Variants in ALK observed in about 807,000 individuals in gnomAD.
ALK encodes ALK receptor tyrosine kinase.
A neutral mutation model predicts 163.1 loss-of-function variants in ALK; 74 were observed. The ratio of observed to expected loss-of-function variants is 0.45; its 90% CI spans 0.38 to 0.55. ALK has a LOEUF of 0.55. Ranked by LOEUF, ALK falls within the 20% of genes least tolerant of loss-of-function variation. The pLI, the probability that ALK is intolerant of heterozygous loss-of-function variation, is 0.00. For synonymous variants in ALK, 960 were observed against 843.2 expected (o/e 1.14, Z -2.40); for missense variants, 2,063 against 2,105.3 (o/e 0.98, Z 0.39).
At chr2:29,898,391 T>C (rs1396884247) in intron 1 of ALK, among the ~76,000 whole-genome samples, 1 of 152,188 alleles carries the variant, frequency 6.6e-6, no homozygotes, top group Non-Finnish European at 1.5e-5. Context: ...TGATTGGTGA[T>C]TAAGAATTAG....
chr2:29,321,011 C>A, intron 6 of ALK, 129 bp from the exon 7 acceptor site: 3 of 1,158,256 alleles, frequency 2.6e-6, no homozygotes, highest in Non-Finnish European at 3.8e-6. Flanking sequence ...AGCCAGAATG[C>A]TGGATGACTA....
intron 3 of ALK, among the ~76,000 whole-genome samples, chr2:29,609,754 C>T (rs918579890): frequency 6.6e-6 from 1 of 152,080 alleles, no homozygotes; most frequent in Non-Finnish European, 1.5e-5. Flanking sequence ...AGCAATTCTC[C>T]CACCTCAGCC....
chr2:29,704,202 C>G (rs1167412357), intron 2 of ALK, among the ~76,000 whole-genome samples: 2 of 152,144 alleles, frequency 1.3e-5, no homozygotes, highest in Non-Finnish European at 2.9e-5. Context: ...TAAATGGAAC[C>G]CCAGAAATTA....
At chr2:29,240,287 C>T (rs1664492313) in intron 12 of ALK, among the ~76,000 whole-genome samples, 1 of 151,982 alleles carries the variant, frequency 6.6e-6, no homozygotes, top group African/African-American at 2.4e-5. Flanking sequence ...CTCATGTGAC[C>T]TTAGACAAGT....
At chr2:29,855,698 G>A (rs1666120955) in intron 1 of ALK, among the ~76,000 whole-genome samples, 1 of 152,188 alleles carries the variant, frequency 6.6e-6, no homozygotes, top group Non-Finnish European at 1.5e-5. Context: ...TTGTGTTAGA[G>A]CCACAAGGTC....
intron 1 of ALK, among the ~76,000 whole-genome samples, chr2:29,829,632 C>A (rs1322293418): frequency 6.6e-6 from 1 of 152,182 alleles, no homozygotes; most frequent in Non-Finnish European, 1.5e-5. Flanking sequence ...GGGTCCACTA[C>A]TAAGAACATT....
At chr2:29,679,397 A>T (rs1677993994) in intron 3 of ALK, among the ~76,000 whole-genome samples, 1 of 149,212 alleles carries the variant, frequency 6.7e-6, no homozygotes, top group Non-Finnish European at 1.5e-5. Flanking sequence ...TACCATTTTA[A>T]TCGTTTATTT....
Position 29,905,018 on chromosome 2 carries a change from T to A in ALK, c.667+14975A>T, listed in dbSNP as rs189080308. ...TGGGAATAAATGATACACATACACA[T>A]GCACATATAAAATACTTTGCATCTG... On this transcript the variant is annotated intron_variant, in intron 1 of 28. Transcript: ENST00000389048. Among the ~76,000 whole-genome samples the A allele has an allele frequency of 1.6e-4, 25 of 152,330 alleles. No individual in the cohort carries two copies. The East Asian group carries it at 1.7e-3, about 11-fold the overall frequency.
chr2:29,518,691 A>G (rs1274245696), intron 4 of ALK, among the ~76,000 whole-genome samples: 1 of 152,214 alleles, frequency 6.6e-6, no homozygotes, highest in African/African-American at 2.4e-5. Flanking sequence ...TGTGGCAACT[A>G]TGCTGTAGAA....
At chr2:29,222,692 A>G (rs1432346107) in intron 20 of ALK, 85 bp from the exon 21 acceptor site, 5 of 1,200,376 alleles carry the variant, frequency 4.2e-6, no homozygotes, top group African/African-American at 3.0e-5. Context: ...TGGGCGTCAC[A>G]TTTAGTGGAC....
intron 4 of ALK, among the ~76,000 whole-genome samples, chr2:29,505,613 C>T (rs138456896): frequency 6.6e-6 from 1 of 152,144 alleles, no homozygotes; most frequent in Admixed American, 6.5e-5. Context: ...TGAAACTGGG[C>T]TCCTGGTTGT....
At chr2:29,257,301 T>C (rs989038338) in intron 11 of ALK, among the ~76,000 whole-genome samples, 1 of 152,210 alleles carries the variant, frequency 6.6e-6, no homozygotes, top group Non-Finnish European at 1.5e-5. Context: ...GAAAACATAG[T>C]TTAATACTCA....
At chr2:29,203,912 C>T (rs1321575536) in intron 26 of ALK, among the ~76,000 whole-genome samples, 2 of 151,898 alleles carry the variant, frequency 1.3e-5, no homozygotes, top group African/African-American at 2.4e-5. Flanking sequence ...TTCCTCTGTT[C>T]CTTCTCTCTG....
chr2:29,304,773 G>A (rs1666459355), intron 8 of ALK, among the ~76,000 whole-genome samples: 1 of 152,174 alleles, frequency 6.6e-6, no homozygotes, highest in African/African-American at 2.4e-5. Flanking sequence ...CCTGTATTTT[G>A]TTATAGACAA....
intron 3 of ALK, among the ~76,000 whole-genome samples, chr2:29,649,922 T>C (rs1676993319): frequency 6.6e-6 from 1 of 152,196 alleles, no homozygotes; most frequent in African/African-American, 2.4e-5. Context: ...CTCATGATTT[T>C]TATCTTTCAC....
intron 1 of ALK, among the ~76,000 whole-genome samples, chr2:29,839,603 T>C (rs576499202): frequency 6.6e-6 from 1 of 152,322 alleles, no homozygotes; most frequent in Admixed American, 6.5e-5. Context: ...AATGGTTGTC[T>C]CGCCATTCCC....
chr2:29,401,954 G>C (rs928207195), intron 4 of ALK, among the ~76,000 whole-genome samples: 39 of 152,338 alleles, frequency 2.6e-4, no homozygotes, highest in African/African-American at 8.9e-4. Flanking sequence ...CTAAGAAGTA[G>C]AAATAATGAA....
chr2:29,251,332 T>C (rs925590682), intron 11 of ALK, 65 bp from the exon 12 acceptor site: 17 of 1,531,284 alleles, frequency 1.1e-5, no homozygotes, highest in African/African-American at 9.6e-5. Context: ...GGGGCCTCCC[T>C]GGGTGGCCTC....
intron 4 of ALK, among the ~76,000 whole-genome samples, chr2:29,469,613 G>T (rs1452510408): frequency 6.6e-6 from 1 of 152,080 alleles, no homozygotes; most frequent in African/African-American, 2.4e-5. Flanking sequence ...CCTTGACATT[G>T]AAGTTCCCAG....
Sources: gnomAD v4.1 joint callset for allele counts (sites outside exome capture counted in the v4.1 genomes callset) on GRCh38, gnomAD v4.1.1 for gene constraint, MANE v1.5 for transcripts, NCBI Gene and HGNC (gene_info 2026-07-23, HGNC 2026-07-21) for gene names.